The following NKAIN2 variants were observed in gnomAD, a reference collection of about 807,000 sequenced individuals.
NKAIN2 encodes sodium/potassium transporting ATPase interacting 2, also known as sodium/potassium-transporting ATPase subunit beta-1-interacting protein 2.
A neutral mutation model predicts 32.6 loss-of-function variants in NKAIN2; 14 were observed. The observed-to-expected ratio is 0.43, with a 90% confidence interval of 0.28 to 0.67. The LOEUF (loss-of-function observed/expected upper bound fraction) is 0.67, where lower values mean the gene tolerates loss of function less well. NKAIN2 is among the 30% of genes least tolerant of loss of function. The pLI is 0.17. For synonymous variants in NKAIN2, 80 were observed against 87.2 expected (o/e 0.92, Z 0.46); for missense variants, 198 against 258.3 (o/e 0.77, Z 1.60).
intron 1 of NKAIN2, among the ~76,000 whole-genome samples, chr6:123,857,609 C>T (rs1233650943): frequency 2.6e-5 from 4 of 152,186 alleles, no homozygotes; most frequent in Non-Finnish European, 5.9e-5. Flanking sequence ...CAAAATTTTA[C>T]ATGAGAAGAC....
chr6:123,863,253 A>G (rs1775857452), intron 1 of NKAIN2, among the ~76,000 whole-genome samples: 1 of 152,208 alleles, frequency 6.6e-6, no homozygotes, highest in African/African-American at 2.4e-5. Context: ...GGATTGTAAT[A>G]ATTTGGTAAA....
At chr6:124,744,059 A>T (rs1777350418) in intron 4 of NKAIN2, among the ~76,000 whole-genome samples, 1 of 151,940 alleles carries the variant, frequency 6.6e-6, no homozygotes, top group South Asian at 2.1e-4. Flanking sequence ...AGTTATAGTA[A>T]GAAAATTTTT....
At chr6:124,343,408 T>G (rs1798235542) in intron 2 of NKAIN2, among the ~76,000 whole-genome samples, 1 of 150,724 alleles carries the variant, frequency 6.6e-6, no homozygotes, top group South Asian at 2.2e-4. Context: ...ATCGCCACAC[T>G]GACTTCCACA....
intron 3 of NKAIN2, among the ~76,000 whole-genome samples, chr6:124,534,205 G>T (rs1434874210): frequency 2.0e-5 from 3 of 151,928 alleles, no homozygotes; most frequent in African/African-American, 7.3e-5. Context: ...AGACTGGAGT[G>T]CAGTGACACA....
chr6:124,252,501 G>T (rs1476743393), intron 1 of NKAIN2, among the ~76,000 whole-genome samples: 2 of 151,932 alleles, frequency 1.3e-5, no homozygotes, highest in African/African-American at 4.8e-5. Flanking sequence ...CACACATGGG[G>T]ACTTCTAACT....
intron 4 of NKAIN2, among the ~76,000 whole-genome samples, chr6:124,759,849 C>T (rs1422081426): frequency 1.3e-5 from 2 of 151,718 alleles, no homozygotes; most frequent in East Asian, 3.9e-4. Flanking sequence ...TCGGAGAAAA[C>T]ATTCACAAGC....
At chr6:124,359,708 T>C (rs1201916872) in intron 3 of NKAIN2, among the ~76,000 whole-genome samples, 2 of 152,184 alleles carry the variant, frequency 1.3e-5, no homozygotes, top group Non-Finnish European at 2.9e-5. Flanking sequence ...TACAATGATG[T>C]CATCTGCGAA....
intron 4 of NKAIN2, among the ~76,000 whole-genome samples, chr6:124,711,009 C>G (rs1348656325): frequency 6.8e-6 from 1 of 146,968 alleles, no homozygotes; most frequent in Non-Finnish European, 1.5e-5. Flanking sequence ...TTCAGGAGCT[C>G]TTTTAGGGCA....
intron 3 of NKAIN2, among the ~76,000 whole-genome samples, chr6:124,396,349 G>A (rs1773376189): frequency 6.6e-6 from 1 of 150,494 alleles, no homozygotes; most frequent in Non-Finnish European, 1.5e-5. Context: ...GAGTGGCTGG[G>A]AATGAGAGAG....
intron 4 of NKAIN2, among the ~76,000 whole-genome samples, chr6:124,746,296 A>C (rs1271362932): frequency 9.9e-5 from 15 of 151,942 alleles, no homozygotes; most frequent in Admixed American, 9.9e-4. Flanking sequence ...TAGTGCTTTT[A>C]ATAAGTAAGG....
intron 1 of NKAIN2, among the ~76,000 whole-genome samples, chr6:123,997,701 T>C (rs565990143): frequency 4.4e-4 from 66 of 149,672 alleles, no homozygotes; most frequent in Admixed American, 8.1e-4. Flanking sequence ...CCTTCCAGGT[T>C]CACACCATTC....
chr6:123,821,016 C>T (rs1030866002), intron 1 of NKAIN2, among the ~76,000 whole-genome samples: 2 of 152,120 alleles, frequency 1.3e-5, no homozygotes, highest in Admixed American at 6.5e-5. Context: ...GAATTGGCCT[C>T]AGAAACAAAG....
chr6:124,537,482 T>C (rs1203079476), intron 3 of NKAIN2, among the ~76,000 whole-genome samples: 4 of 152,222 alleles, frequency 2.6e-5, no homozygotes, highest in Admixed American at 6.5e-5. Flanking sequence ...TATTTATACT[T>C]TTAAAAGTAT....
chr6:124,718,684 A>G (rs1391938685), intron 4 of NKAIN2, among the ~76,000 whole-genome samples: 1 of 152,166 alleles, frequency 6.6e-6, no homozygotes, highest in African/African-American at 2.4e-5. Flanking sequence ...TTACTGTGTG[A>G]TTATGCATCT....
At position 123,864,197 on chromosome 6, in the gene NKAIN2, A is replaced by G. The variant is rs182209400; in HGVS notation, c.54+59943A>G. Among the ~76,000 whole-genome samples, 610 of 152,336 alleles carry G rather than the reference A, an allele frequency of 4.0e-3. 3 individuals are homozygous for G. The highest frequency in any genetic ancestry group is 0.02 in the Middle Eastern group (6 of 294). ...CTCCCAGATTTCTATAGCCTGTTTT[A>G]AACATTGTAAGAAGTAGTTAGACTG... On this transcript the variant is annotated intron_variant, in intron 1 of 6. Transcript: ENST00000368417.
intron 1 of NKAIN2, among the ~76,000 whole-genome samples, chr6:123,930,455 A>G (rs1369275187): frequency 6.6e-6 from 1 of 152,304 alleles, no homozygotes; most frequent in South Asian, 2.1e-4. Context: ...TGGAGTTATT[A>G]GTCCTGACTC....
intron 3 of NKAIN2, among the ~76,000 whole-genome samples, chr6:124,503,082 A>G (rs971184449): frequency 3.3e-5 from 5 of 152,190 alleles, no homozygotes; most frequent in African/African-American, 4.8e-5. Context: ...TATCCAAGAA[A>G]ATAGTACATC....
chr6:124,425,401 G>C (rs774812019), intron 3 of NKAIN2, among the ~76,000 whole-genome samples: 32 of 152,008 alleles, frequency 2.1e-4, no homozygotes, highest in Middle Eastern at 6.8e-3. Context: ...CCATGATATT[G>C]GTCTTGGCAG....
chr6:124,183,751 A>T (rs2114554488), intron 1 of NKAIN2, among the ~76,000 whole-genome samples: 2 of 152,248 alleles, frequency 1.3e-5, no homozygotes, highest in East Asian at 3.9e-4. Flanking sequence ...TTTTCATATA[A>T]CTATAAAATA....
Sources: allele counts gnomAD v4.1 joint callset (sites outside exome capture counted in the v4.1 genomes callset), GRCh38; gene constraint gnomAD v4.1.1; transcripts MANE v1.5; gene names NCBI Gene and HGNC (gene_info 2026-07-23, HGNC 2026-07-21).